AP1M2: variants seen among roughly 807,000 people sequenced by gnomAD.
AP1M2 encodes the protein AP-1 complex subunit mu-2.
AP1M2 carries 41 observed loss-of-function variants against 54.6 expected under a neutral mutation model. That is an observed-to-expected ratio of 0.75 (90% CI 0.59 to 0.97). The LOEUF is 0.97. Among genes scored for constraint, AP1M2 ranks in the 50% least tolerant of loss-of-function variants. The pLI is 0.00. For synonymous variants in AP1M2, 219 were observed against 215.9 expected (o/e 1.01, Z -0.13); for missense variants, 507 against 561.2 (o/e 0.90, Z 0.98).
At chr19:10,585,516 A>G (rs1056565015) in intron 1 of AP1M2, among the ~76,000 whole-genome samples, 1 of 151,468 alleles carries the variant, frequency 6.6e-6, no homozygotes, top group Non-Finnish European at 1.5e-5. Flanking sequence ...GGCCAACATG[A>G]TGAAACCCCG....
intron 11 of AP1M2, 62 bp downstream of exon 11, chr19:10,574,355 C>T (rs1351999365): frequency 1.5e-6 from 2 of 1,340,016 alleles, no homozygotes; most frequent in Non-Finnish European, 2.0e-6. Flanking sequence ...TGGTGAAAGC[C>T]TCGAGTCCCT....
chr19:10,579,047 CAG>C (rs1404993600), intron 7 of AP1M2, 84 bp from the exon 8 acceptor site: 3 of 1,048,808 alleles, frequency 2.9e-6, no homozygotes, highest in African/African-American at 3.5e-5. Flanking sequence ...TTCTTTGAGA[CAG>C]AGTCTCGCTT....
Position 10,572,883 on chromosome 19 carries a change from T to G in AP1M2, c.*183A>C. Reference sequence around the variant, plus strand: ...CCAAGGGCGAGGGAAGCAGAGAGAGTTTCTCTCCCAGCCTATGGAATAAGG... The same window carrying G: ...CCAAGGGCGAGGGAAGCAGAGAGAGGTTCTCTCCCAGCCTATGGAATAAGG... On this transcript the variant is annotated 3_prime_UTR_variant, in exon 12 of 12. Coordinates refer to ENST00000250244, the MANE Select transcript of AP1M2 (RefSeq NM_005498.5). 3.7e-6 allele frequency: 2 copies of G among 541,526 alleles called. No individual in the cohort carries two copies. The highest frequency in any genetic ancestry group is 6.6e-6 in the Non-Finnish European group (2 of 304,334). 33.5% of individuals were successfully genotyped at this position (541,526 alleles called of 1,614,324 possible). A position where few individuals can be genotyped will look rare whatever the true frequency, so the allele number is the denominator to read the frequency against.
Position 10,587,259 on chromosome 19 carries a change from G to T in AP1M2, c.-28C>A. On this transcript the variant is annotated 5_prime_UTR_variant, in exon 1 of 12. Transcript: ENST00000250244. ...TGGCGGCCGAAGGACTTAGGAGTCG[G>T]GGAGGGAGCGCCGGGAGGCGATGGC... is the stretch of plus-strand genomic sequence containing the variant. 1 of 1,559,308 alleles carries T rather than the reference G, an allele frequency of 6.4e-7. No homozygotes were observed. Among genetic ancestry groups the T allele is most frequent in the African/African-American group, 1.4e-5 (1 of 73,386 alleles).
At chr19:10,578,559 T>A (rs1917324234) in intron 8 of AP1M2, among the ~76,000 whole-genome samples, 1 of 151,240 alleles carries the variant, frequency 6.6e-6, no homozygotes, top group African/African-American at 2.4e-5. Flanking sequence ...GATAACAGAT[T>A]TTTTTTTTCT....
chr19:10,587,105 C>T (rs1917672802), intron 1 of AP1M2, 85 bp downstream of exon 1: 1 of 1,470,530 alleles, frequency 6.8e-7, no homozygotes, highest in Non-Finnish European at 9.3e-7. Context: ...AGACCTCTTC[C>T]TGGCCCGCGC....
rs1298404844 is a variant in AP1M2, at chr19:10,572,998, C to G, written c.*68G>C. Reference sequence around the variant, plus strand: ...CAGACACACACAGCCCGCACCTGCCCTCCCTCTAAAATCTGCATCCGGGGC... The same window carrying G: ...CAGACACACACAGCCCGCACCTGCCGTCCCTCTAAAATCTGCATCCGGGGC... On this transcript the variant is annotated 3_prime_UTR_variant, in exon 12 of 12. Coordinates refer to ENST00000250244, the MANE Select transcript of AP1M2 (RefSeq NM_005498.5). 6.0e-6 allele frequency: 9 copies of G among 1,509,508 alleles called. No homozygotes were observed. Among genetic ancestry groups the G allele is most frequent in the Middle Eastern group, 1.7e-4 (1 of 5,892 alleles). 93.5% of individuals were successfully genotyped at this position (1,509,508 alleles called of 1,614,324 possible). A position where few individuals can be genotyped will look rare whatever the true frequency, so the allele number is the denominator to read the frequency against.
At chr19:10,584,150 G>C in intron 1 of AP1M2, 80 bp from the exon 2 acceptor site, 3 of 1,504,118 alleles carry the variant, frequency 2.0e-6, no homozygotes, top group Non-Finnish European at 2.7e-6. Flanking sequence ...GCCCGGTTCT[G>C]ACCCTACTTC....
At chr19:10,576,504 C>T (rs187846164) in intron 9 of AP1M2, among the ~76,000 whole-genome samples, 5 of 151,596 alleles carry the variant, frequency 3.3e-5, no homozygotes, top group Admixed American at 1.3e-4. Flanking sequence ...CCTCGTGATC[C>T]GCCCACCTCG....
At chr19:10,573,660 CT>C (rs35697396) in intron 11 of AP1M2, among the ~76,000 whole-genome samples, 5,865 of 109,360 alleles carry the variant, frequency 0.054, 256 homozygotes, top group East Asian at 0.34. Context: ...CTTTTTTTTC[CT>C]TTTTTTTTTT....
chr19:10,581,289 C>G lies in AP1M2; in HGVS notation c.650G>C (p.Arg217Pro). The change falls in exon 6 of 12, where the codon CGC (arginine) becomes CCC (proline). Residue 217 changes from arginine to proline, a missense_variant. Coordinates refer to ENST00000250244, the MANE Select transcript of AP1M2 (RefSeq NM_005498.5). ...MPELRLGLND[R>P]VLFELTGRSK... ...ACGGCCAGTGAGCTCGAAGAGCACG[C>G]GGTCATTGAGGCCCAGCCGCAGCTC... The G allele has an allele frequency of 1.9e-6, 3 of 1,613,668 alleles. No individual in the cohort carries two copies. The highest frequency in any genetic ancestry group is 2.5e-6 in the Non-Finnish European group (3 of 1,179,618).
intron 6 of AP1M2, 137 bp downstream of exon 6, chr19:10,581,129 G>T: frequency 2.3e-6 from 3 of 1,283,258 alleles, no homozygotes; most frequent in Non-Finnish European, 3.2e-6. Flanking sequence ...GCCAATGGCT[G>T]CAATACTGGC....
intron 6 of AP1M2, 137 bp downstream of exon 6, chr19:10,581,129 G>C (rs1396695632): frequency 2.3e-6 from 3 of 1,283,140 alleles, no homozygotes; most frequent in Non-Finnish European, 3.2e-6. Context: ...GCCAATGGCT[G>C]CAATACTGGC....
intron 11 of AP1M2, 34 bp downstream of exon 11, chr19:10,574,383 C>T: frequency 1.3e-6 from 2 of 1,511,874 alleles, no homozygotes; most frequent in African/African-American, 1.4e-5. Flanking sequence ...GCCTTTCCCT[C>T]ACCCCATTGT....
intron 7 of AP1M2, among the ~76,000 whole-genome samples, 181 bp from the exon 8 acceptor site, chr19:10,579,144 C>T (rs941082330): frequency 4.0e-5 from 6 of 151,386 alleles, no homozygotes; most frequent in Non-Finnish European, 7.4e-5. Flanking sequence ...CGGCCGGGAG[C>T]GGTGGCTCAC....
chr19:10,587,178 G>A lies in AP1M2; in HGVS notation c.42+12C>T. ...ACCTGTCCGTCTCCCAACTCCTCAT[G>A]CCCAGCCTCACCTTGCCCTTAACGT... On this transcript the variant is annotated intron_variant, in intron 1 of 11. Transcript: ENST00000250244. 6.4e-7 allele frequency: 1 copy of A among 1,554,796 alleles called. No homozygotes were observed. Among genetic ancestry groups the A allele is most frequent in the Non-Finnish European group, 8.7e-7 (1 of 1,148,898 alleles).
chr19:10,584,099 C>T, intron 1 of AP1M2, 29 bp from the exon 2 acceptor site: 2 of 1,597,286 alleles, frequency 1.3e-6, no homozygotes, highest in Non-Finnish European at 1.7e-6. Flanking sequence ...GACCTGGTCA[C>T]CACCAGCATC....
At position 10,581,886 on chromosome 19, in the gene AP1M2, T is replaced by C. The variant is rs1186333293; in HGVS notation, c.268-8A>G. ...GAAGTATTCGCAGAATACCTGGGGG[T>C]TGGAGGAGAGAGAGACCCACAAAAG... On this transcript the variant is annotated splice_region_variant and splice_polypyrimidine_tract_variant and intron_variant, in intron 3 of 11. Transcript: ENST00000250244. The C allele has an allele frequency of 1.9e-6, 3 of 1,590,932 alleles. No homozygotes were observed. The highest frequency in any genetic ancestry group is 2.6e-6 in the Non-Finnish European group (3 of 1,168,418).
At position 10,579,878 on chromosome 19, in the gene AP1M2, G is replaced by C. The variant is rs765236313; in HGVS notation, c.674-20C>G. On this transcript the variant is annotated intron_variant, in intron 6 of 11. Coordinates refer to ENST00000250244, the MANE Select transcript of AP1M2 (RefSeq NM_005498.5). ...TGCTGCCTGAAACTCAGAGTGGAGA[G>C]TGGAGAGTGACCCTGGGAACCAGGA... is the stretch of plus-strand genomic sequence containing the variant. 5.5e-5 allele frequency: 87 copies of C among 1,584,110 alleles called. No homozygotes were observed. Among genetic ancestry groups the C allele is most frequent in the Non-Finnish European group, 7.4e-5 (86 of 1,161,906 alleles).
Sources: allele counts gnomAD v4.1 joint callset (sites outside exome capture counted in the v4.1 genomes callset), GRCh38; gene constraint gnomAD v4.1.1; transcripts MANE v1.5; gene names NCBI Gene and HGNC (gene_info 2026-07-23, HGNC 2026-07-21).